PTGER3: variants seen among roughly 807,000 people sequenced by gnomAD.
PTGER3 encodes prostaglandin E2 receptor EP3 subtype.
A neutral mutation model predicts 34.7 loss-of-function variants in PTGER3; 22 were observed. That is an observed-to-expected ratio of 0.63 (90% CI 0.45 to 0.91). PTGER3 has a LOEUF of 0.91. Ranked by LOEUF, PTGER3 falls within the 40% of genes least tolerant of loss-of-function variation. PTGER3 has a pLI of 0.00. For missense variants in PTGER3, 468 were observed against 519.4 expected (o/e 0.90, Z 0.96); for synonymous variants, 241 against 230.1 (o/e 1.05, Z -0.43).
intron 2 of PTGER3, among the ~76,000 whole-genome samples, chr1:70,988,257 T>C (rs776621280): frequency 6.6e-6 from 1 of 152,120 alleles, no homozygotes; most frequent in Admixed American, 6.5e-5. Context: ...AAATAACCCA[T>C]AGGAAGTTTT....
intron 4 of PTGER3, among the ~76,000 whole-genome samples, chr1:70,871,038 A>G (rs1646151537): frequency 6.6e-6 from 1 of 151,886 alleles, no homozygotes; most frequent in Admixed American, 6.6e-5. Context: ...CTAAATATCA[A>G]TTTTCTGTAT....
chr1:71,008,960 G>A (rs1657206438), intron 2 of PTGER3: 1 of 982,876 alleles, frequency 1.0e-6, no homozygotes, highest in Admixed American at 6.2e-5. Flanking sequence ...AAAATAAATA[G>A]ATATTATGCA....
At chr1:70,942,445 A>G (rs1041793034) in intron 4 of PTGER3, among the ~76,000 whole-genome samples, 1 of 152,064 alleles carries the variant, frequency 6.6e-6, no homozygotes, top group Non-Finnish European at 1.5e-5. Flanking sequence ...TGTTTTACCA[A>G]TTTTCAATTC....
chr1:71,003,571 G>T (rs962948918), intron 2 of PTGER3, among the ~76,000 whole-genome samples: 3 of 152,074 alleles, frequency 2.0e-5, no homozygotes, highest in African/African-American at 7.2e-5. Context: ...CTGTTTTGGG[G>T]TGAGTAACCT....
intron 4 of PTGER3, among the ~76,000 whole-genome samples, chr1:70,863,794 G>C (rs889428524): frequency 3.3e-5 from 5 of 152,022 alleles, no homozygotes; most frequent in African/African-American, 1.2e-4. Flanking sequence ...AAAACATAAA[G>C]AATGTGTGGA....
chr1:71,018,272 T>C (rs2100885851), intron 1 of PTGER3, among the ~76,000 whole-genome samples: 1 of 152,312 alleles, frequency 6.6e-6, no homozygotes, highest in Admixed American at 6.5e-5. Flanking sequence ...TTTTTTTACT[T>C]TCCTAGGAAA....
At chr1:70,990,498 T>A (rs775196120) in intron 2 of PTGER3, among the ~76,000 whole-genome samples, 1 of 151,022 alleles carries the variant, frequency 6.6e-6, no homozygotes, top group African/African-American at 2.4e-5. Context: ...TTTATATACA[T>A]GTATGTATGT....
At chr1:71,044,297 T>C (rs1209057759) in intron 1 of PTGER3, among the ~76,000 whole-genome samples, 1 of 150,846 alleles carries the variant, frequency 6.6e-6, no homozygotes, top group East Asian at 2.0e-4. Flanking sequence ...ATTAGCCAGG[T>C]GTGGTGGCGG....
chr1:71,001,692 T>C (rs148975894), intron 2 of PTGER3, among the ~76,000 whole-genome samples: 63 of 152,308 alleles, frequency 4.1e-4, no homozygotes, highest in African/African-American at 1.4e-3. Context: ...AGTGAGAAGA[T>C]ACCACATAGA....
intron 4 of PTGER3, among the ~76,000 whole-genome samples, chr1:70,944,942 C>A (rs1234505625): frequency 6.6e-6 from 1 of 152,056 alleles, no homozygotes; most frequent in East Asian, 1.9e-4. Flanking sequence ...ATTGTAGTAT[C>A]TCCATTCTAA....
intron 4 of PTGER3, among the ~76,000 whole-genome samples, chr1:70,855,638 AAG>A (rs908242822): frequency 6.6e-6 from 1 of 152,090 alleles, no homozygotes; most frequent in South Asian, 2.1e-4. Flanking sequence ...TTTAGGGAAA[AAG>A]AAATTTGAAA....
chr1:70,873,622 A>T (rs1646210805), intron 4 of PTGER3, among the ~76,000 whole-genome samples: 1 of 151,222 alleles, frequency 6.6e-6, no homozygotes, highest in South Asian at 2.1e-4. Flanking sequence ...TTACATGAGT[A>T]AGTTCTTTAG....
chr1:70,927,521 T>G (rs1243822239), intron 4 of PTGER3, among the ~76,000 whole-genome samples: 1 of 152,148 alleles, frequency 6.6e-6, no homozygotes, highest in Non-Finnish European at 1.5e-5. Flanking sequence ...TTGAAGCAAC[T>G]ACATAACATA....
At chr1:70,860,660 A>G (rs1380735738) in intron 4 of PTGER3, among the ~76,000 whole-genome samples, 2 of 152,160 alleles carry the variant, frequency 1.3e-5, no homozygotes, top group Non-Finnish European at 2.9e-5. Flanking sequence ...AATTGACTTC[A>G]ATAGTCATCA....
chr1:70,946,137 T>A (rs1196552023), intron 4 of PTGER3, among the ~76,000 whole-genome samples: 4 of 152,060 alleles, frequency 2.6e-5, no homozygotes, highest in Non-Finnish European at 5.9e-5. Flanking sequence ...GTCCCTGAGG[T>A]CCCTCACTTG....
chr1:70,985,174 A>C (rs528706954), intron 2 of PTGER3, among the ~76,000 whole-genome samples: 5 of 152,208 alleles, frequency 3.3e-5, no homozygotes, highest in Admixed American at 6.5e-5. Context: ...CAGAGTCAAA[A>C]TCCAGAAGCG....
At chr1:70,939,954 G>A (rs1212590719) in intron 4 of PTGER3, among the ~76,000 whole-genome samples, 8 of 152,192 alleles carry the variant, frequency 5.3e-5, no homozygotes, top group Admixed American at 5.2e-4. Context: ...CTATCCAGAA[G>A]ATGGATTTTT....
intron 4 of PTGER3, among the ~76,000 whole-genome samples, chr1:70,944,778 C>T (rs192163298): frequency 1.4e-3 from 210 of 152,162 alleles, no homozygotes; most frequent in African/African-American, 3.1e-3. Context: ...TTTTTATAGC[C>T]TTACCTCTTC....
At chr1:70,994,125 G>A (rs1161044079) in intron 2 of PTGER3, among the ~76,000 whole-genome samples, 4 of 152,100 alleles carry the variant, frequency 2.6e-5, no homozygotes, top group African/African-American at 7.2e-5. Flanking sequence ...TAGCCTGGCC[G>A]CTCACCTCTC....
Sources: allele counts gnomAD v4.1 joint callset (sites outside exome capture counted in the v4.1 genomes callset), GRCh38; gene constraint gnomAD v4.1.1; transcripts MANE v1.5; gene names NCBI Gene and HGNC (gene_info 2026-07-23, HGNC 2026-07-21).